DCAF12L2: variants seen among roughly 807,000 people sequenced by gnomAD.
DCAF12L2 encodes the protein DDB1 and CUL4 associated factor 12 like 2, also known as DDB1- and CUL4-associated factor 12-like protein 2.
Under a neutral mutation model 20.2 loss-of-function variants are expected in DCAF12L2, and 16 were observed. That is an observed-to-expected ratio of 0.79 (90% CI 0.54 to 1.20). DCAF12L2 has a LOEUF of 1.20. Among genes scored for constraint, DCAF12L2 ranks in the 50% most tolerant of loss-of-function variants. The probability of loss-of-function intolerance (pLI) is 0.00; values close to 1 mark genes in which losing one functional copy is unlikely to be tolerated. For missense variants in DCAF12L2, 355 were observed against 404.8 expected (o/e 0.88, Z 1.06); for synonymous variants, 195 against 190.0 (o/e 1.03, Z -0.22).
At position 126,164,639 on chromosome X, in the gene DCAF12L2, T is replaced by C. The variant is rs200216401; in HGVS notation, c.1286A>G (p.Asn429Ser). ...NYFGGMGEFP[N>S]ALYTHCYNWP... ...GTTGTAGCAGTGGGTGTAGAGCGCA[T>C]TGGGGAACTCTCCCATGCCACCAAA... Residue 429 changes from asparagine to serine, a missense_variant, in exon 1 of 1, where the codon AAT (asparagine) becomes AGT (serine). Physicochemically the swap from Asn to Ser is conservative, Grantham distance 46. Transcript: ENST00000360028. The C allele has an allele frequency of 1.7e-5, 21 of 1,207,700 alleles. No homozygotes were observed. The highest frequency in any genetic ancestry group is 5.3e-5 in the South Asian group (3 of 56,520).
rs1927839739 is a variant in DCAF12L2 at position 126,166,107 on chromosome X, C to T, written c.-183G>A. 16 of 440,605 alleles carry T rather than the reference C, an allele frequency of 3.6e-5. No individual in the cohort carries two copies. Among genetic ancestry groups the T allele is most frequent in the Non-Finnish European group, 4.5e-5 (16 of 354,297 alleles). 36.3% of individuals were successfully genotyped at this position (440,605 alleles called of 1,213,427 possible). A position where few individuals can be genotyped will look rare whatever the true frequency, so the allele number is the denominator to read the frequency against. The stretch of plus-strand genomic sequence containing the variant: ...CAAGAAGCTGGTGCGATCGCGGGCG[C>T]CCAGACTTCAGTCTGAGGCTCGGCG... On this transcript the variant is annotated 5_prime_UTR_variant, in exon 1 of 1. Coordinates refer to ENST00000360028, the MANE Select transcript of DCAF12L2 (RefSeq NM_001013628.3).
Position 126,163,655 on chromosome X carries a change from G to C in DCAF12L2, c.*878C>G, listed in dbSNP as rs1262055766. 9.0e-6 allele frequency: 1 copy of C among 111,525 alleles called. No individual in the cohort carries two copies. Among genetic ancestry groups the C allele is most frequent in the Non-Finnish European group, 1.9e-5 (1 of 53,141 alleles). 9.2% of individuals were successfully genotyped at this position (111,525 alleles called of 1,213,427 possible). On this transcript the variant is annotated 3_prime_UTR_variant, in exon 1 of 1. Transcript: ENST00000360028. ...CTGTAAATAGCTACCTGAATTTAAA[G>C]AGATGTGTACCCCATATACCCCCAA...
Position 126,165,919 on chromosome X carries a change from G to T in DCAF12L2, c.6C>A (p.Ala2=), listed in dbSNP as rs760527194. The T allele has an allele frequency of 8.6e-7, 1 of 1,159,379 alleles. No individual in the cohort carries two copies. The highest frequency in any genetic ancestry group is 2.3e-5 in the Admixed American group (1 of 42,602). The change falls in exon 1 of 1, where the codon GCC becomes GCA. Residue 2 remains alanine, a synonymous_variant. Transcript: ENST00000360028. M[A]QQQTGSRKRK... ...GTTTCCTGCTACCTGTTTGCTGCTGGGCCATGGTGGGCGGCGGGCGATCTG... is the reference window on the plus strand; with the variant it reads ...GTTTCCTGCTACCTGTTTGCTGCTGTGCCATGGTGGGCGGCGGGCGATCTG...
rs1927804061 is a variant in DCAF12L2 at position 126,165,306 on chromosome X, C to T, written c.619G>A (p.Val207Ile). 6 of 1,212,571 alleles carry T rather than the reference C, an allele frequency of 4.9e-6. No individual in the cohort carries two copies. Among genetic ancestry groups the T allele is most frequent in the African/African-American group, 1.7e-5 (1 of 58,092 alleles). ...IFAVAWLSDT[V>I]AVSGSRDGTV... ...CCGTCGCGGGAGCCGCTCACAGCTA[C>T]GGTGTCACTCAGCCAGGCGACTGCG... Residue 207 changes from valine (V) to isoleucine (I), a missense_variant, in exon 1 of 1, where the codon GTA becomes ATA. Transcript: ENST00000360028.
rs1927794503 is a variant in DCAF12L2 at position 126,165,129 on chromosome X, G to A, written c.796C>T (p.Arg266Trp). ...ASTNPSNRKVRALAFSGKNQE... is the reference protein window; with the variant it reads ...ASTNPSNRKVWALAFSGKNQE... Reference sequence around the variant, plus strand: ...TTCTTGCCGCTGAAGGCCAGGGCCCGTACCTTGCGGTTGCTGGGGTTGGTG... The same window carrying A: ...TTCTTGCCGCTGAAGGCCAGGGCCCATACCTTGCGGTTGCTGGGGTTGGTG... Residue 266 changes from arginine to tryptophan, a missense_variant, in exon 1 of 1, where the codon CGG becomes TGG. Coordinates refer to ENST00000360028, the MANE Select transcript of DCAF12L2 (RefSeq NM_001013628.3). The A allele has an allele frequency of 1.7e-6, 2 of 1,210,716 alleles. No individual in the cohort carries two copies. The highest frequency in any genetic ancestry group is 1.7e-5 in the African/African-American group (1 of 57,560).
Position 126,164,589 on chromosome X carries a change from C to T in DCAF12L2, c.1336G>A (p.Ala446Thr). 4 of 1,212,053 alleles carry T rather than the reference C, an allele frequency of 3.3e-6. No individual in the cohort carries two copies. The highest frequency in any genetic ancestry group is 4.5e-6 in the Non-Finnish European group (4 of 895,513). Residue 446 changes from alanine (A) to threonine (T), a missense_variant, in exon 1 of 1, where the codon GCT becomes ACT. By Grantham distance (58) the Ala-to-Thr change is moderately conservative. Coordinates refer to ENST00000360028, the MANE Select transcript of DCAF12L2 (RefSeq NM_001013628.3). ...YNWPEMKLFV[A>T]GGPLPSGLHG... is the part of the protein sequence containing the mutation. ...AGGCCTGAAGGGAGAGGCCCCCCAG[C>T]CACAAAGAGCTTCATCTCCGGCCAG...
rs775766094 is a variant in DCAF12L2, at chrX:126,165,376, G to A, written c.549C>T (p.Asp183=). ...SLAIYQLPTL[D]PLCLGDRHGH... ...CATGGCGGTCGCCCAGGCACAGGGG[G>A]TCCAGGGTGGGCAGCTGGTAGATGG... Residue 183 remains aspartate, a synonymous_variant, in exon 1 of 1, where the codon GAC becomes GAT. Transcript: ENST00000360028. 1.3e-5 allele frequency: 16 copies of A among 1,210,909 alleles called. No homozygotes were observed. Among genetic ancestry groups the A allele is most frequent in the Middle Eastern group, 4.9e-4 (2 of 4,068 alleles).
rs371053578 is a variant in DCAF12L2, at chrX:126,164,991, G to A, written c.934C>T (p.Leu312=). The A allele has an allele frequency of 2.5e-6, 3 of 1,212,356 alleles. No homozygotes were observed. The highest frequency in any genetic ancestry group is 3.5e-5 in the South Asian group (2 of 57,040). Reference sequence around the variant, plus strand: ...AGGGACAACTCATCACAGTAGGTCAGGCACACATTCTCTCGGCAGTAGGGC... The same window carrying A: ...AGGGACAACTCATCACAGTAGGTCAAGCACACATTCTCTCGGCAGTAGGGC... The part of the protein sequence containing the change: ...RLPYCRENVC[L]TYCDELSLYA... The change falls in exon 1 of 1, where the codon CTG becomes TTG. Residue 312 remains leucine, a synonymous_variant. Transcript: ENST00000360028.
chrX:126,164,779 G>A lies in DCAF12L2; in HGVS notation c.1146C>T (p.Phe382=). The change falls in exon 1 of 1, where the codon TTC becomes TTT. Residue 382 remains phenylalanine, a synonymous_variant. Transcript: ENST00000360028. ...LLFYDIRAQK[F]LEERASSSLD... ...GGCTGGAAGAGGCCCTCTCCTCCAG[G>A]AACTTCTGGGCGCGGATGTCATAGA... The A allele has an allele frequency of 8.2e-7, 1 of 1,212,387 alleles. No individual in the cohort carries two copies. Among genetic ancestry groups the A allele is most frequent in the Non-Finnish European group, 1.1e-6 (1 of 895,590 alleles).
rs1025438196 is a variant in DCAF12L2 at position 126,166,257 on chromosome X, C to T, written c.-333G>A. 1.1e-4 allele frequency among the ~76,000 whole-genome samples: 12 copies of T among 110,420 alleles called. No homozygotes were observed. The highest frequency in any genetic ancestry group is 2.3e-4 in the Non-Finnish European group (12 of 52,716). On this transcript the variant is annotated 5_prime_UTR_variant, in exon 1 of 1. Coordinates refer to ENST00000360028, the MANE Select transcript of DCAF12L2 (RefSeq NM_001013628.3). ...ACCTAGGCGAGAGCGGGAAGAGTGT[C>T]TGTCTGGATGGCTGCGGGAGCGAAG...
Position 126,164,150 on chromosome X carries a change from A to G in DCAF12L2, c.*383T>C, listed in dbSNP as rs1602935712. 1 of 152,923 alleles carries G rather than the reference A, an allele frequency of 6.5e-6. No homozygotes were observed. The allele number at this position is 152,923 out of a possible 1,213,427, so 12.6% of individuals were successfully genotyped here. Reference sequence around the variant, plus strand: ...ATCTGAACACTATTGCAATATTGATAAAACTAACGTACTGAATAGTAGTGA... The same window carrying G: ...ATCTGAACACTATTGCAATATTGATGAAACTAACGTACTGAATAGTAGTGA... On this transcript the variant is annotated 3_prime_UTR_variant, in exon 1 of 1. Transcript: ENST00000360028.
rs751309094 is a variant in DCAF12L2, at chrX:126,165,675, G to A, written c.250C>T (p.Pro84Ser). The change falls in exon 1 of 1, where the codon CCC becomes TCC. Residue 84 changes from proline to serine, a missense_variant. Physicochemically the swap from Pro to Ser is moderately conservative, Grantham distance 74 (BLOSUM62 -1). Coordinates refer to ENST00000360028, the MANE Select transcript of DCAF12L2 (RefSeq NM_001013628.3). Reference sequence around the variant, plus strand: ...AGCTGGCGCTCCGTCAGCAGCTCGGGCAGCCTCTGGACGGCGTAGCCCCGC... The same window carrying A: ...AGCTGGCGCTCCGTCAGCAGCTCGGACAGCCTCTGGACGGCGTAGCCCCGC... Reference protein sequence around the residue: ...ELRGYAVQRLPELLTERQLDL... With the variant: ...ELRGYAVQRLSELLTERQLDL... The A allele has an allele frequency of 5.0e-6, 6 of 1,210,046 alleles. No individual in the cohort carries two copies. Among genetic ancestry groups the A allele is most frequent in the African/African-American group, 3.5e-5 (2 of 57,514 alleles).
Position 126,166,007 on chromosome X carries a change from C to T in DCAF12L2, c.-83G>A. On this transcript the variant is annotated 5_prime_UTR_variant, in exon 1 of 1. In the 5' UTR this introduces an upstream ATG that the reference lacks. Transcript: ENST00000360028. ...CCGGCGGCGGTGGCGGCGCGTGGCA[C>T]CCGTGTTGGCCGTGGCGGCGGTGGT... 11 of 754,323 alleles carry T rather than the reference C, an allele frequency of 1.5e-5. No individual in the cohort carries two copies. The highest frequency in any genetic ancestry group is 1.7e-5 in the Non-Finnish European group (11 of 640,774). The allele number at this position is 754,323 out of a possible 1,213,427, so 62.2% of individuals were successfully genotyped here. A position where few individuals can be genotyped will look rare whatever the true frequency, so the allele number is the denominator to read the frequency against.
rs367811422 is a variant in DCAF12L2 at position 126,164,574 on chromosome X, G to T, written c.1351C>A (p.Pro451Thr). The T allele has an allele frequency of 2.5e-6, 3 of 1,210,505 alleles. No individual in the cohort carries two copies. The African/African-American group carries it at 5.2e-5, about 21-fold the overall frequency. ...MKLFVAGGPLPSGLHGNYAGL... is the reference protein window; with the variant it reads ...MKLFVAGGPLTSGLHGNYAGL... Reference sequence around the variant, plus strand: ...GCGTAGTTCCCATGGAGGCCTGAAGGGAGAGGCCCCCCAGCCACAAAGAGC... The same window carrying T: ...GCGTAGTTCCCATGGAGGCCTGAAGTGAGAGGCCCCCCAGCCACAAAGAGC... Residue 451 changes from proline (P) to threonine (T), a missense_variant, in exon 1 of 1, where the codon CCT becomes ACT. Pro to Thr is a conservative substitution (Grantham distance 38). Transcript: ENST00000360028.
rs1025407279 is a variant in DCAF12L2, at chrX:126,165,342, C to T, written c.583G>A (p.Asp195Asn). The T allele has an allele frequency of 1.7e-6, 2 of 1,211,414 alleles. No individual in the cohort carries two copies. Among genetic ancestry groups the T allele is most frequent in the South Asian group, 1.8e-5 (1 of 56,966 alleles). ...LCLGDRHGHK[D>N]WIFAVAWLSD... The stretch of plus-strand genomic sequence containing the variant: ...AGCCAGGCGACTGCGAAGATCCAGT[C>T]CTTGTGGCCATGGCGGTCGCCCAGG... The change falls in exon 1 of 1, where the codon GAC becomes AAC. Residue 195 changes from aspartate to asparagine, a missense_variant. Transcript: ENST00000360028.
Position 126,165,381 on chromosome X carries a change from G to A in DCAF12L2, c.544C>T (p.Leu182=). 1 of 1,212,055 alleles carries A rather than the reference G, an allele frequency of 8.3e-7. No individual in the cohort carries two copies. The highest frequency in any genetic ancestry group is 1.8e-5 in the South Asian group (1 of 57,031). ...CGGTCGCCCAGGCACAGGGGGTCCA[G>A]GGTGGGCAGCTGGTAGATGGCCAGG... The part of the protein sequence containing the change: ...NSLAIYQLPT[L]DPLCLGDRHG... Residue 182 remains leucine (L), a synonymous_variant, in exon 1 of 1, where the codon CTG becomes TTG. Transcript: ENST00000360028.
Position 126,164,567 on chromosome X carries a change from C to G in DCAF12L2, c.1358G>C (p.Gly453Ala). 8.3e-7 allele frequency: 1 copy of G among 1,211,431 alleles called. No individual in the cohort carries two copies. The highest frequency in any genetic ancestry group is 1.1e-6 in the Non-Finnish European group (1 of 895,249). ...GAGGCCTGCGTAGTTCCCATGGAGG[C>G]CTGAAGGGAGAGGCCCCCCAGCCAC... ...LFVAGGPLPSGLHGNYAGLWS is the reference protein window; with the variant it reads ...LFVAGGPLPSALHGNYAGLWS Residue 453 changes from glycine to alanine, a missense_variant, in exon 1 of 1, where the codon GGC becomes GCC. Physicochemically the swap from Gly to Ala is moderately conservative, Grantham distance 60. Transcript: ENST00000360028.
chrX:126,165,203 A>T lies in DCAF12L2; in HGVS notation c.722T>A (p.Val241Glu), dbSNP rs1250680470. 1.7e-6 allele frequency: 2 copies of T among 1,211,759 alleles called. No homozygotes were observed. The highest frequency in any genetic ancestry group is 2.2e-6 in the Non-Finnish European group (2 of 895,448). Residue 241 changes from valine to glutamate, a missense_variant, in exon 1 of 1, where the codon GTA becomes GAA. Physicochemically the swap from Val to Glu is moderately radical, Grantham distance 121 (BLOSUM62 -2). Transcript: ENST00000360028. ...IAWHSEVGLP[V>E]YAHIRPRDVE... ...ATCCCTCGGACGGATGTGGGCATAT[A>T]CTGGGAGACCCACCTCGCTGTGCCA... is the stretch of plus-strand genomic sequence containing the variant.
Position 126,164,808 on chromosome X carries a change from G to A in DCAF12L2, c.1117C>T (p.Leu373Phe). 1 of 1,212,465 alleles carries A rather than the reference G, an allele frequency of 8.2e-7. No homozygotes were observed. Among genetic ancestry groups the A allele is most frequent in the Non-Finnish European group, 1.1e-6 (1 of 895,616 alleles). ...TTCTGGGCGCGGATGTCATAGAAGA[G>A]CAGGGAACCATGGCCGGTGCCCACA... The part of the protein sequence containing the change: ...ITVGTGHGSL[L>F]FYDIRAQKFL... Residue 373 changes from leucine to phenylalanine, a missense_variant, in exon 1 of 1, where the codon CTC becomes TTC. Coordinates refer to ENST00000360028, the MANE Select transcript of DCAF12L2 (RefSeq NM_001013628.3).
Sources: gnomAD v4.1 joint callset for allele counts (sites outside exome capture counted in the v4.1 genomes callset) on GRCh38, gnomAD v4.1.1 for gene constraint, MANE v1.5 for transcripts, NCBI Gene and HGNC (gene_info 2026-07-23, HGNC 2026-07-21) for gene names.